Variants in RASSF8 observed in about 807,000 individuals in gnomAD.
RASSF8 encodes Ras association domain family member 8.
In RASSF8, 22 loss-of-function variants were observed where a neutral mutation model predicts 48.5. That is an observed-to-expected ratio of 0.45 (90% CI 0.32 to 0.65). RASSF8 has a LOEUF of 0.65. Among genes scored for constraint, RASSF8 ranks in the 30% least tolerant of loss-of-function variants. The pLI is 0.03. For synonymous variants in RASSF8, 127 were observed against 171.5 expected, an observed-to-expected ratio of 0.74 and a Z score of 2.03; for missense variants, 418 against 489.2, an observed-to-expected ratio of 0.85 and a Z score of 1.37.
chr12:26,057,546 G>C (rs1047900678), intron 3 of RASSF8, among the ~76,000 whole-genome samples: 1 of 152,160 alleles, frequency 6.6e-6, no homozygotes, highest in Non-Finnish European at 1.5e-5. Context: ...ACTTGGGTTG[G>C]TTCCAAGTCT....
At chr12:26,064,321 A>G (rs966715391) in intron 3 of RASSF8, among the ~76,000 whole-genome samples, 177 bp from the exon 4 acceptor site, 1 of 152,168 alleles carries the variant, frequency 6.6e-6, no homozygotes, top group Non-Finnish European at 1.5e-5. Flanking sequence ...TTATGTTGTT[A>G]CATGTCGTGA....
At chr12:26,028,527 A>G (rs961913837) in intron 2 of RASSF8, among the ~76,000 whole-genome samples, 2 of 151,736 alleles carry the variant, frequency 1.3e-5, no homozygotes, top group African/African-American at 4.8e-5. Flanking sequence ...AAATGTCTAC[A>G]TGTTCCTTGG....
At chr12:26,064,390 C>A (rs912284184) in intron 3 of RASSF8, 108 bp from the exon 4 acceptor site, 7 of 1,099,034 alleles carry the variant, frequency 6.4e-6, no homozygotes, top group Non-Finnish European at 8.9e-6. Context: ...TCAAACTTGA[C>A]CCTCTGATGC....
intron 3 of RASSF8, among the ~76,000 whole-genome samples, chr12:26,057,014 G>A (rs549198838): frequency 2.6e-5 from 4 of 151,000 alleles, no homozygotes; most frequent in African/African-American, 4.9e-5. Context: ...CATGGACAGT[G>A]CTAAAAAAGA....
At chr12:26,049,458 T>C (rs1466731729) in intron 2 of RASSF8, among the ~76,000 whole-genome samples, 1 of 152,220 alleles carries the variant, frequency 6.6e-6, no homozygotes, top group Admixed American at 6.5e-5. Context: ...TGGCAAAAAT[T>C]AACCCAAATT....
intron 2 of RASSF8, among the ~76,000 whole-genome samples, chr12:26,037,215 T>G (rs1260730528): frequency 6.6e-6 from 1 of 152,160 alleles, no homozygotes; most frequent in African/African-American, 2.4e-5. Flanking sequence ...GTACAGAATT[T>G]GAAAACAATA....
intron 1 of RASSF8, among the ~76,000 whole-genome samples, chr12:25,986,099 C>T (rs1035787101): frequency 6.6e-6 from 1 of 152,172 alleles, no homozygotes; most frequent in Admixed American, 6.5e-5. Context: ...CTCAGTGACC[C>T]TGTAGCAGAG....
At chr12:26,062,658 G>C (rs1005350629) in intron 3 of RASSF8, among the ~76,000 whole-genome samples, 1 of 152,154 alleles carries the variant, frequency 6.6e-6, no homozygotes, top group African/African-American at 2.4e-5. Flanking sequence ...GTTGGAAGTT[G>C]CTTTTTAAAA....
At chr12:25,990,671 A>G (rs1227574703) in intron 1 of RASSF8, among the ~76,000 whole-genome samples, 1 of 152,188 alleles carries the variant, frequency 6.6e-6, no homozygotes, top group East Asian at 1.9e-4. Context: ...TTATATTTGG[A>G]GATGTAAGTC....
chr12:25,979,703 G>C (rs991033612), intron 1 of RASSF8, among the ~76,000 whole-genome samples: 2 of 152,180 alleles, frequency 1.3e-5, no homozygotes, highest in Non-Finnish European at 2.9e-5. Context: ...TCGAGGCCAA[G>C]GGCAGCTCCA....
At chr12:26,000,982 C>CTTT (rs34793650) in intron 2 of RASSF8, among the ~76,000 whole-genome samples, 1,050 of 80,950 alleles carry the variant, frequency 0.013, 6 homozygotes, top group Non-Finnish European at 0.015. Context: ...TTAAAATTTC[C>CTTT]TTTTTTTTTT....
At chr12:26,073,039 CTG>C (rs901842866), downstream of RASSF8, among the ~76,000 whole-genome samples, 3 of 152,128 alleles carry the variant, frequency 2.0e-5, no homozygotes, top group African/African-American at 4.8e-5. Context: ...CAAAGTAAAA[CTG>C]AATTAAGAAA....
rs780977356 is a variant in RASSF8 at position 26,067,618 on chromosome 12, A to G, written c.1043A>G (p.Asn348Ser). The change falls in exon 5 of 6, where the codon AAT becomes AGT. Residue 348 changes from asparagine to serine, a missense_variant. Physicochemically the swap from Asn to Ser is conservative, Grantham distance 46 (BLOSUM62 1). Transcript: ENST00000689635. ...TTGACTAAGGAGTTGCGGCAAGTCAATCTCCAGCAGTTCATCCAGCAGACA... is the reference window on the plus strand; with the variant it reads ...TTGACTAAGGAGTTGCGGCAAGTCAGTCTCCAGCAGTTCATCCAGCAGACA... ...EQLTKELRQV[N>S]LQQFIQQTGT... 2.6e-5 allele frequency: 42 copies of G among 1,613,944 alleles called. No individual in the cohort carries two copies. Among genetic ancestry groups the G allele is most frequent in the Non-Finnish European group, 3.3e-5 (39 of 1,179,954 alleles).
intron 1 of RASSF8, among the ~76,000 whole-genome samples, chr12:25,984,300 A>G (rs899459939): frequency 1.3e-5 from 2 of 149,800 alleles, no homozygotes; most frequent in Non-Finnish European, 3.0e-5. Context: ...ACTGACCTCA[A>G]ACCCCTGGGC....
At chr12:25,961,945 A>G (rs1201560690) in intron 1 of RASSF8, among the ~76,000 whole-genome samples, 1 of 152,074 alleles carries the variant, frequency 6.6e-6, no homozygotes, top group Non-Finnish European at 1.5e-5. Context: ...AGTCCCCACT[A>G]TTCTGCCATC....
chr12:26,068,383 G>T (rs1467752176), intron 5 of RASSF8, among the ~76,000 whole-genome samples: 1 of 151,916 alleles, frequency 6.6e-6, no homozygotes, highest in Non-Finnish European at 1.5e-5. Flanking sequence ...TCTTCTAAAA[G>T]TTATTATTAA....
intron 3 of RASSF8, among the ~76,000 whole-genome samples, chr12:26,059,430 G>A (rs1385617824): frequency 6.6e-6 from 1 of 152,072 alleles, no homozygotes; most frequent in Non-Finnish European, 1.5e-5. Context: ...CATTTATAAA[G>A]TAATATTATT....
intron 3 of RASSF8, 60 bp downstream of exon 3, chr12:26,055,506 T>C: frequency 1.5e-6 from 2 of 1,375,642 alleles, no homozygotes; most frequent in Non-Finnish European, 2.1e-6. Context: ...GTTGTATGTG[T>C]TTGTTTTAAA....
At chr12:26,057,616 G>A (rs1257246170) in intron 3 of RASSF8, among the ~76,000 whole-genome samples, 1 of 152,170 alleles carries the variant, frequency 6.6e-6, no homozygotes, top group East Asian at 1.9e-4. Flanking sequence ...ATAGCAGCGT[G>A]ATTTATAATC....
Sources: allele counts gnomAD v4.1 joint callset (sites outside exome capture counted in the v4.1 genomes callset), GRCh38; gene constraint gnomAD v4.1.1; transcripts MANE v1.5; gene names NCBI Gene and HGNC (gene_info 2026-07-23, HGNC 2026-07-21).